NTM: variants seen among roughly 807,000 people sequenced by gnomAD.
NTM encodes neurotrimin, also known as IgLON family member 2.
In NTM, 13 loss-of-function variants were observed where a neutral mutation model predicts 42.1. The ratio of observed to expected loss-of-function variants is 0.31; its 90% CI spans 0.20 to 0.49. The LOEUF (loss-of-function observed/expected upper bound fraction) is 0.49. Ranked by LOEUF, NTM falls within the 20% of genes least tolerant of loss-of-function variation. The probability of loss-of-function intolerance (pLI) is 0.99; values close to 1 mark genes in which losing one functional copy is unlikely to be tolerated. For synonymous variants in NTM, 187 were observed against 179.2 expected (o/e 1.04, Z -0.35); for missense variants, 373 against 452.8 (o/e 0.82, Z 1.60).
chr11:132,326,164 AAAT>A (rs1394268917), intron 7 of NTM, among the ~76,000 whole-genome samples: 1 of 152,060 alleles, frequency 6.6e-6, no homozygotes, highest in African/African-American at 2.4e-5. Flanking sequence ...ACTTAAAGTA[AAAT>A]AATAATAAAA....
intron 1 of NTM, among the ~76,000 whole-genome samples, chr11:131,721,047 T>G (rs948886242): frequency 6.6e-6 from 1 of 152,108 alleles, no homozygotes; most frequent in Non-Finnish European, 1.5e-5. Flanking sequence ...TATGAAAAAC[T>G]ATTGCACATT....
intron 1 of NTM, among the ~76,000 whole-genome samples, chr11:131,833,338 A>G (rs188567478): frequency 2.0e-5 from 3 of 152,334 alleles, no homozygotes; most frequent in Admixed American, 1.3e-4. Flanking sequence ...CAGACACTTG[A>G]TATGCTCCAG....
intron 4 of NTM, chr11:132,306,579 T>G (rs2095091428): frequency 6.6e-6 from 1 of 152,210 alleles, no homozygotes; most frequent in East Asian, 1.9e-4. Context: ...CGTGACCCTG[T>G]GAGGTATTAG....
intron 4 of NTM, among the ~76,000 whole-genome samples, chr11:132,307,261 A>G (rs2095121919): frequency 6.6e-6 from 1 of 152,184 alleles, no homozygotes; most frequent in African/African-American, 2.4e-5. Context: ...GGCATTTTCA[A>G]TTAATTTATG....
intron 1 of NTM, among the ~76,000 whole-genome samples, chr11:131,903,893 G>A (rs1228230657): frequency 2.0e-5 from 3 of 152,144 alleles, no homozygotes; most frequent in Non-Finnish European, 2.9e-5. Context: ...TAACCCATTT[G>A]AGTGAATTAG....
intron 1 of NTM, among the ~76,000 whole-genome samples, chr11:131,691,739 C>T (rs537979039): frequency 5.3e-5 from 8 of 152,186 alleles, no homozygotes; most frequent in Non-Finnish European, 8.8e-5. Context: ...CGGCGCGGGG[C>T]TGAGCGGAGC....
intron 1 of NTM, among the ~76,000 whole-genome samples, chr11:131,842,999 G>C (rs1041731088): frequency 1.3e-5 from 2 of 151,874 alleles, no homozygotes; most frequent in Admixed American, 1.3e-4. Context: ...GATAAAGCAA[G>C]ACTTTGTCTC....
intron 2 of NTM, among the ~76,000 whole-genome samples, chr11:131,965,009 G>A (rs1461541667): frequency 2.0e-5 from 3 of 152,144 alleles, no homozygotes; most frequent in Non-Finnish European, 4.4e-5. Context: ...ATGATCAAGA[G>A]GAGAGGATGG....
chr11:131,449,119 TA>T (rs1950284261), intron 1 of NTM, among the ~76,000 whole-genome samples: 1 of 152,230 alleles, frequency 6.6e-6, no homozygotes, highest in Non-Finnish European at 1.5e-5. Flanking sequence ...TTCTGAGCTA[TA>T]AATTGGCTCA....
intron 1 of NTM, among the ~76,000 whole-genome samples, chr11:131,480,110 A>C (rs1953397967): frequency 6.7e-6 from 1 of 148,784 alleles, no homozygotes; most frequent in Non-Finnish European, 1.5e-5. Flanking sequence ...TACTGCATTC[A>C]ATTATTGTTT....
intron 2 of NTM, among the ~76,000 whole-genome samples, chr11:132,049,528 G>C (rs1175328409): frequency 6.6e-6 from 1 of 152,182 alleles, no homozygotes; most frequent in Non-Finnish European, 1.5e-5. Context: ...ACACACACTG[G>C]CTCTGGGGTC....
In NTM at chr11:131,603,467, C is replaced by G. The variant is rs189947279; in HGVS notation, c.82+232579C>G. 1.6e-4 allele frequency among the ~76,000 whole-genome samples: 24 copies of G among 152,220 alleles called. No individual in the cohort carries two copies. The East Asian group carries it at 3.9e-3, about 24-fold the overall frequency. On this transcript the variant is annotated intron_variant, in intron 1 of 8. Coordinates refer to ENST00000683400, the MANE Select transcript of NTM (RefSeq NM_001352005.2). ...AGTTTGAGTAGCGTGGCTTCCGTTA[C>G]TGCCATCCCAGATTTATTGCTTGGC...
chr11:131,498,585 C>T (rs1011645053), intron 1 of NTM, among the ~76,000 whole-genome samples: 2 of 152,018 alleles, frequency 1.3e-5, no homozygotes, highest in Admixed American at 1.3e-4. Context: ...TTGCCCATTA[C>T]ATCTGCTCTT....
intron 1 of NTM, among the ~76,000 whole-genome samples, chr11:131,675,007 T>G (rs535913861): frequency 6.6e-6 from 1 of 152,246 alleles, no homozygotes; most frequent in South Asian, 2.1e-4. Context: ...CCCACCATAT[T>G]TGAAGACTCT....
rs1161528623 is a variant in NTM at position 131,711,980 on chromosome 11, G to T, written c.83-199584G>T. ...GGGAACATCACACTCTGGGGACTGT[G>T]GTGGGGTGGGGGGAGGGGGGAGGGA... On this transcript the variant is annotated intron_variant, in intron 1 of 8. Coordinates refer to ENST00000683400, the MANE Select transcript of NTM (RefSeq NM_001352005.2). Among the ~76,000 whole-genome samples the T allele has an allele frequency of 5.3e-4, 60 of 113,650 alleles. 1 individual carries two copies. The South Asian group carries it at 0.013, about 25-fold the overall frequency. 74.6% of individuals were successfully genotyped at this position (113,650 alleles called of 152,430 possible). A position where few individuals can be genotyped will look rare whatever the true frequency, so the allele number is the denominator to read the frequency against.
intron 1 of NTM, chr11:131,771,376 T>C (rs886433325): frequency 6.6e-6 from 1 of 152,206 alleles, no homozygotes; most frequent in African/African-American, 2.4e-5. Flanking sequence ...GTTTTAGTCA[T>C]AATTGTCACA....
At chr11:131,432,987 T>C (rs2135925626) in intron 1 of NTM, among the ~76,000 whole-genome samples, 1 of 151,808 alleles carries the variant, frequency 6.6e-6, no homozygotes, top group Non-Finnish European at 1.5e-5. Flanking sequence ...CCCAAGTAGC[T>C]GGGACTGCAG....
At chr11:131,549,937 C>A (rs2054440016) in intron 1 of NTM, among the ~76,000 whole-genome samples, 1 of 152,182 alleles carries the variant, frequency 6.6e-6, no homozygotes, top group Admixed American at 6.5e-5. Flanking sequence ...CTGTATTATG[C>A]TAGTACAGCT....
chr11:131,758,267 C>T (rs147491589), intron 1 of NTM, among the ~76,000 whole-genome samples: 12 of 152,106 alleles, frequency 7.9e-5, no homozygotes, highest in African/African-American at 2.2e-4. Flanking sequence ...CCCCCTCCCC[C>T]CCGCCAACCC....
Sources: allele counts gnomAD v4.1 joint callset (sites outside exome capture counted in the v4.1 genomes callset), GRCh38; gene constraint gnomAD v4.1.1; transcripts MANE v1.5; gene names NCBI Gene and HGNC (gene_info 2026-07-23, HGNC 2026-07-21).